SCOC: variants seen among roughly 807,000 people sequenced by gnomAD.
The protein encoded by SCOC is short coiled-coil protein, also known as short coiled coil protein.
In SCOC, 7 loss-of-function variants were observed where a neutral mutation model predicts 9.9. The ratio of observed to expected loss-of-function variants is 0.71; its 90% CI spans 0.40 to 1.33. The LOEUF (loss-of-function observed/expected upper bound fraction) is 1.33, where lower values mean the gene tolerates loss of function less well. Among genes scored for constraint, SCOC ranks in the 40% most tolerant of loss-of-function variants. The probability of loss-of-function intolerance (pLI) is 0.01; values close to 1 mark genes in which losing one functional copy is unlikely to be tolerated. For missense variants in SCOC, 66 were observed against 89.7 expected (o/e 0.74, Z 1.07); for synonymous variants, 19 against 28.2 (o/e 0.67, Z 1.03).
intron 1 of SCOC, among the ~76,000 whole-genome samples, chr4:140,337,599 TA>T (rs1732992751): frequency 6.6e-6 from 1 of 151,786 alleles, no homozygotes; most frequent in Admixed American, 6.6e-5. Context: ...ATAGACGCAA[TA>T]AAAAATGATA....
rs568033254 is a variant in SCOC at position 140,277,482 on chromosome 4, T to G, written c.-19+20072T>G. 5.2e-4 allele frequency among the ~76,000 whole-genome samples: 79 copies of G among 152,358 alleles called. No homozygotes were observed. In the East Asian group the frequency reaches 0.014, roughly 28 times the overall value. On this transcript the variant is annotated intron_variant, in intron 1 of 4. Coordinates refer to the SCOC transcript ENST00000394205. ...TCCACATCCATTGTTATGGAGGGAA[T>G]ATTTACTTGCTATTGAAGGAAGTCT...
At chr4:140,285,087 A>C in intron 1 of SCOC, 1 of 439,570 alleles carries the variant, frequency 2.3e-6, no homozygotes, top group Non-Finnish European at 4.6e-6. Context: ...ACAACAACAG[A>C]TGAGGAAACT....
intron 1 of SCOC, among the ~76,000 whole-genome samples, chr4:140,320,115 C>T (rs1390181088): frequency 6.6e-6 from 1 of 152,114 alleles, no homozygotes; most frequent in Non-Finnish European, 1.5e-5. Context: ...GCACAAGATA[C>T]GGATCATAAA....
intron 1 of SCOC, among the ~76,000 whole-genome samples, chr4:140,317,149 T>C (rs958623353): frequency 1.3e-5 from 2 of 152,160 alleles, no homozygotes; most frequent in Non-Finnish European, 2.9e-5. Context: ...GGGACTCTCT[T>C]GTAAGATGGC....
At chr4:140,341,979 C>T (rs181614376), upstream of SCOC, among the ~76,000 whole-genome samples, 729 of 152,288 alleles carry the variant, frequency 4.8e-3, 8 homozygotes, top group South Asian at 0.023. Flanking sequence ...GTCAGACTTG[C>T]ATCATGGGCT....
At chr4:140,304,621 T>C (rs1295588858) in intron 1 of SCOC, among the ~76,000 whole-genome samples, 1 of 152,136 alleles carries the variant, frequency 6.6e-6, no homozygotes, top group Non-Finnish European at 1.5e-5. Flanking sequence ...CATATACCAG[T>C]ACCCAGCGAG....
At chr4:140,370,321 A>C (rs1199344621), upstream of SCOC, among the ~76,000 whole-genome samples, 1 of 152,222 alleles carries the variant, frequency 6.6e-6, no homozygotes, top group African/African-American at 2.4e-5. Flanking sequence ...TTGGAAAAGA[A>C]AGCATGTTCT....
intron 1 of SCOC, among the ~76,000 whole-genome samples, chr4:140,327,711 T>C (rs527782470): frequency 1.3e-5 from 2 of 152,326 alleles, no homozygotes; most frequent in East Asian, 3.9e-4. Context: ...TAACAATGAA[T>C]AGTCAAGCGT....
Position 140,381,171 on chromosome 4 carries a change from T to G in SCOC, c.*67T>G. ...TTTTTTCTTTAAAACTTGGATAGATTCCAAAAGTTACAGTACCTTTGTGGC... is the reference window on the plus strand; with the variant it reads ...TTTTTTCTTTAAAACTTGGATAGATGCCAAAAGTTACAGTACCTTTGTGGC... On this transcript the variant is annotated 3_prime_UTR_variant, in exon 4 of 4. Transcript: ENST00000608372. 1 of 1,484,422 alleles carries G rather than the reference T, an allele frequency of 6.7e-7. No individual in the cohort carries two copies. Among genetic ancestry groups the G allele is most frequent in the East Asian group, 2.4e-5 (1 of 42,154 alleles). 92.0% of individuals were successfully genotyped at this position (1,484,422 alleles called of 1,614,324 possible).
chr4:140,353,923 C>A (rs748150582), intron 2 of SCOC, among the ~76,000 whole-genome samples: 1 of 152,228 alleles, frequency 6.6e-6, no homozygotes, highest in South Asian at 2.1e-4. Flanking sequence ...TCTCCATACA[C>A]ATGTTTCATT....
intron 1 of SCOC, among the ~76,000 whole-genome samples, chr4:140,378,262 G>A (rs1490184007): frequency 6.6e-6 from 1 of 151,966 alleles, no homozygotes. Flanking sequence ...AACAGTATAT[G>A]TAAAGCAATA....
chr4:140,381,220 A>G lies in SCOC; in HGVS notation c.*116A>G. ...GCTTCATTGAATATTTATGAAGATA[A>G]TGTCAGATGTAGACAAAAATAACAC... On this transcript the variant is annotated 3_prime_UTR_variant, in exon 4 of 4. Transcript: ENST00000608372. The G allele has an allele frequency of 1.0e-6, 1 of 992,644 alleles. No individual in the cohort carries two copies. The highest frequency in any genetic ancestry group is 1.4e-6 in the Non-Finnish European group (1 of 692,608). The allele number at this position is 992,644 out of a possible 1,614,324, so 61.5% of individuals were successfully genotyped here.
intron 1 of SCOC, among the ~76,000 whole-genome samples, chr4:140,315,170 ACTCTTCCC>A (rs1732276769): frequency 1.3e-5 from 2 of 151,386 alleles, no homozygotes; most frequent in Non-Finnish European, 2.9e-5. Context: ...GCAAATCTCC[ACTCTTCCC>A]CTGTGTGTCA....
At chr4:140,311,540 C>T (rs1049064518) in intron 1 of SCOC, among the ~76,000 whole-genome samples, 3 of 152,168 alleles carry the variant, frequency 2.0e-5, no homozygotes, top group African/African-American at 7.2e-5. Context: ...GACCCCACAC[C>T]CCATGATCCA....
chr4:140,354,035 T>C (rs537751478), intron 2 of SCOC, among the ~76,000 whole-genome samples: 4 of 152,356 alleles, frequency 2.6e-5, no homozygotes, highest in African/African-American at 9.6e-5. Context: ...AAGCTTGTAT[T>C]TTAAAACACA....
chr4:140,344,718 C>T (rs1726650838), intron 2 of SCOC, among the ~76,000 whole-genome samples: 1 of 152,168 alleles, frequency 6.6e-6, no homozygotes. Flanking sequence ...CCTTAACATG[C>T]TCCCACCAGG....
intron 1 of SCOC, among the ~76,000 whole-genome samples, chr4:140,319,241 G>A (rs916088335): frequency 2.6e-5 from 4 of 152,006 alleles, no homozygotes; most frequent in East Asian, 1.9e-4. Flanking sequence ...ACAGCCATGC[G>A]CCACCACGCC....
upstream of SCOC, among the ~76,000 whole-genome samples, chr4:140,372,693 T>C (rs1728106119): frequency 6.6e-6 from 1 of 152,234 alleles, no homozygotes; most frequent in African/African-American, 2.4e-5. Flanking sequence ...GTCAGCAAAC[T>C]GTGCCAGAAG....
At chr4:140,374,095 C>T (rs1728212546) in intron 1 of SCOC, 2 of 476,488 alleles carry the variant, frequency 4.2e-6, no homozygotes, top group Non-Finnish European at 4.1e-6. Context: ...CCTGGCACGC[C>T]TGGACCTTCC....
Sources: allele counts gnomAD v4.1 joint callset (sites outside exome capture counted in the v4.1 genomes callset), GRCh38; gene constraint gnomAD v4.1.1; transcripts MANE v1.5; gene names NCBI Gene and HGNC (gene_info 2026-07-23, HGNC 2026-07-21).